CCNDBP1: variants seen among roughly 807,000 people sequenced by gnomAD.
The protein encoded by CCNDBP1 is cyclin D1 binding protein 1, also known as cyclin-D1-binding protein 1.
In CCNDBP1, 45 loss-of-function variants were observed where a neutral mutation model predicts 46.2. The ratio of observed to expected loss-of-function variants is 0.97; its 90% confidence interval spans 0.77 to 1.25. The LOEUF (loss-of-function observed/expected upper bound fraction) is 1.25. Among genes scored for constraint, CCNDBP1 ranks in the 50% most tolerant of loss-of-function variants. The pLI, the probability that CCNDBP1 is intolerant of heterozygous loss-of-function variation, is 0.00. For missense variants in CCNDBP1, 436 were observed against 442.1 expected (o/e 0.99, Z 0.12); for synonymous variants, 154 against 163.6 (o/e 0.94, Z 0.45).
intron 7 of CCNDBP1, 59 bp from the exon 8 acceptor site, chr15:43,191,336 G>T: frequency 7.0e-7 from 1 of 1,429,038 alleles, no homozygotes; most frequent in Non-Finnish European, 9.3e-7. Context: ...ATAATAATAG[G>T]CCTCGCCTTT....
chr15:43,190,998 A>G lies in CCNDBP1; in HGVS notation c.535A>G (p.Lys179Glu), dbSNP rs1567263795. ...NKAAALLMLT[K>E]NVDFVKDAHE... Reference sequence around the variant, plus strand: ...AGCTGCAGCTCTTTTGATGCTGACCAAGAATGTGGATTTTGTGAAGGATGC... The same window carrying G: ...AGCTGCAGCTCTTTTGATGCTGACCGAGAATGTGGATTTTGTGAAGGATGC... The change falls in exon 7 of 11, where the codon AAG becomes GAG. Residue 179 changes from lysine (K) to glutamate (E), a missense_variant. Coordinates refer to ENST00000300213, the MANE Select transcript of CCNDBP1 (RefSeq NM_012142.5). 1.9e-6 allele frequency: 3 copies of G among 1,614,146 alleles called. No homozygotes were observed. Among genetic ancestry groups the G allele is most frequent in the South Asian group, 1.1e-5 (1 of 91,086 alleles).
At chr15:43,191,194 A>G (rs1006051870) in intron 7 of CCNDBP1, 152 bp downstream of exon 7, 1 of 814,300 alleles carries the variant, frequency 1.2e-6, no homozygotes. Flanking sequence ...TGTTTGATTT[A>G]GTACCACTCC....
At position 43,196,739 on chromosome 15, in the gene CCNDBP1, C is replaced by T. The variant is rs1290344783; in HGVS notation, c.*1898C>T. On this transcript the variant is annotated 3_prime_UTR_variant, in exon 11 of 11. Coordinates refer to ENST00000300213, the MANE Select transcript of CCNDBP1 (RefSeq NM_012142.5). The stretch of plus-strand genomic sequence containing the variant: ...TGAGCAGTAAAATGGTTGCAAAAAA[C>T]CTGAACCTGAACAATCTGAATGTAC... The T allele has an allele frequency of 1.2e-5, 2 of 161,682 alleles. No individual in the cohort carries two copies. Among genetic ancestry groups the T allele is most frequent in the Non-Finnish European group, 2.7e-5 (2 of 73,012 alleles). The allele number at this position is 161,682 out of a possible 1,614,324, so 10.0% of individuals were successfully genotyped here.
Position 43,194,775 on chromosome 15 carries a change from T to C in CCNDBP1, c.1017T>C (p.Leu339=). ...PQPEDSWIPL[L]INAIDHCMNR... is the part of the protein sequence containing the mutation. ...CAGAAGATAGTTGGATCCCTTTACT[T>C]ATTAATGCCATTGATCATTGCATGA... is the stretch of plus-strand genomic sequence containing the variant. Residue 339 remains leucine (L), a synonymous_variant, in exon 11 of 11, where the codon CTT becomes CTC. Transcript: ENST00000300213. 6.2e-7 allele frequency: 1 copy of C among 1,614,024 alleles called. No individual in the cohort carries two copies. The highest frequency in any genetic ancestry group is 8.5e-7 in the Non-Finnish European group (1 of 1,179,850).
rs766772798 is a variant in CCNDBP1, at chr15:43,190,090, C to CTGGACATCGTGGATGGCA, written c.371_388dup (p.Asp124_Met129dup). ...GAGAAAGCTGGTACGGGGCGCCACC[C>CTGGACATCGTGGATGGCA]TGGACATCGTGGATGGCATGGCTCA... On this transcript the variant is annotated inframe_insertion, in exon 5 of 11. Coordinates refer to ENST00000300213, the MANE Select transcript of CCNDBP1 (RefSeq NM_012142.5). The CTGGACATCGTGGATGGCA allele has an allele frequency of 2.5e-6, 4 of 1,614,158 alleles. No individual in the cohort carries two copies. Among genetic ancestry groups the CTGGACATCGTGGATGGCA allele is most frequent in the Non-Finnish European group, 3.4e-6 (4 of 1,180,020 alleles).
rs202103344 is a variant in CCNDBP1 at position 43,185,838 on chromosome 15, C to G, written c.128C>G (p.Thr43Ser). ...CCACAAGTCGGCGAAGCCCAGGAGA[C>G]CACCGAGGAGTTTAATCGAGAGATG... ...PRVRVGEAQE[T>S]TEEFNREMFW... Residue 43 changes from threonine to serine, a missense_variant, in exon 2 of 11, where the codon ACC becomes AGC. By Grantham distance (58) the Thr-to-Ser change is moderately conservative. Transcript: ENST00000300213. 8 of 1,611,514 alleles carry G rather than the reference C, an allele frequency of 5.0e-6. No homozygotes were observed. The African/African-American group carries it at 1.1e-4, about 21-fold the overall frequency.
At chr15:43,187,060 C>T (rs948462263) in intron 3 of CCNDBP1, among the ~76,000 whole-genome samples, 2 of 152,138 alleles carry the variant, frequency 1.3e-5, no homozygotes, top group African/African-American at 2.4e-5. Flanking sequence ...GCTATGACCA[C>T]GTATGCTCTA....
rs137976051 is a variant in CCNDBP1, at chr15:43,196,640, C to T, written c.*1799C>T. 2.0e-5 allele frequency: 3 copies of T among 152,468 alleles called. No individual in the cohort carries two copies. In the East Asian group the frequency reaches 5.8e-4, roughly 29 times the overall value. The allele number at this position is 152,468 out of a possible 1,614,324, so 9.4% of individuals were successfully genotyped here. A position where few individuals can be genotyped will look rare whatever the true frequency, so the allele number is the denominator to read the frequency against. On this transcript the variant is annotated 3_prime_UTR_variant, in exon 11 of 11. Coordinates refer to ENST00000300213, the MANE Select transcript of CCNDBP1 (RefSeq NM_012142.5). Reference sequence around the variant, plus strand: ...AAAATTCCATTTTGGGATAATATCCCACTTCATCAGAAATATTAGAATGAT... The same window carrying T: ...AAAATTCCATTTTGGGATAATATCCTACTTCATCAGAAATATTAGAATGAT...
chr15:43,188,964 G>A, intron 3 of CCNDBP1: 1 of 317,172 alleles, frequency 3.2e-6, no homozygotes, highest in Non-Finnish European at 5.8e-6. Flanking sequence ...TGTAATCCCA[G>A]CTACTTGGGA....
chr15:43,188,678 C>G (rs1044884320), intron 3 of CCNDBP1: 3 of 152,204 alleles, frequency 2.0e-5, no homozygotes, highest in African/African-American at 7.2e-5. Flanking sequence ...ATTGAGTTGT[C>G]AGCCCAATAT....
intron 8 of CCNDBP1, 109 bp downstream of exon 8, chr15:43,191,784 C>A: frequency 7.6e-7 from 1 of 1,322,240 alleles, no homozygotes; most frequent in Non-Finnish European, 1.0e-6. Context: ...TTTTTCAAAC[C>A]TATAGGAAAG....
intron 8 of CCNDBP1, 33 bp from the exon 9 acceptor site, chr15:43,192,710 T>G: frequency 6.2e-7 from 1 of 1,608,096 alleles, no homozygotes; most frequent in Non-Finnish European, 8.5e-7. Flanking sequence ...CTGCGTTTTT[T>G]TGTTAATGAT....
chr15:43,193,455 A>G (rs2041992302), intron 9 of CCNDBP1: 1 of 151,742 alleles, frequency 6.6e-6, no homozygotes. Context: ...ACTAGGCAGC[A>G]ATTAGATTGA....
chr15:43,185,636 G>A, intron 1 of CCNDBP1, 29 bp downstream of exon 1: 2 of 1,479,994 alleles, frequency 1.4e-6, no homozygotes, highest in Non-Finnish European at 1.8e-6. Context: ...AACGGGCGAC[G>A]GCAGGGGCGG....
chr15:43,191,676 G>A lies in CCNDBP1; in HGVS notation c.860+1G>A. 3 of 1,600,018 alleles carry A rather than the reference G, an allele frequency of 1.9e-6. No individual in the cohort carries two copies. The highest frequency in any genetic ancestry group is 2.5e-6 in the Non-Finnish European group (3 of 1,178,234). Reference sequence around the variant, plus strand: ...ATATTTCTGATGAAATCAGCCCTAGGTAAGCGGGATCCCCACTTGAAACAT... The same window carrying A: ...ATATTTCTGATGAAATCAGCCCTAGATAAGCGGGATCCCCACTTGAAACAT... On this transcript the variant is annotated splice_donor_variant, in intron 8 of 10. Coordinates refer to ENST00000300213, the MANE Select transcript of CCNDBP1 (RefSeq NM_012142.5). LOFTEE classifies it high-confidence loss of function.
intron 3 of CCNDBP1, chr15:43,188,394 TC>T (rs1248262882): frequency 6.6e-6 from 1 of 152,200 alleles, no homozygotes; most frequent in African/African-American, 2.4e-5. Context: ...TCTGTCTCTC[TC>T]CCTCCCTCTC....
rs2041973908 is a variant in CCNDBP1, at chr15:43,192,723, C to T, written c.861-20C>T. ...GGCTGCGTTTTTTTGTTAATGATTA[C>T]TTTTGTTTTCTGCTCTTAGTGTGGA... On this transcript the variant is annotated intron_variant, in intron 8 of 10. Transcript: ENST00000300213. The T allele has an allele frequency of 6.2e-7, 1 of 1,613,098 alleles. No individual in the cohort carries two copies. The highest frequency in any genetic ancestry group is 1.3e-5 in the African/African-American group (1 of 75,002).
Position 43,190,099 on chromosome 15 carries a change from G to T in CCNDBP1, c.376G>T (p.Val126Leu). Reference protein sequence around the residue: ...KLVRGATLDIVDGMAQLMEVL... With the variant: ...KLVRGATLDILDGMAQLMEVL... ...GGTACGGGGCGCCACCCTGGACATC[G>T]TGGATGGCATGGCTCAGCTCATGGA... The change falls in exon 5 of 11, where the codon GTG becomes TTG. Residue 126 changes from valine to leucine, a missense_variant. Transcript: ENST00000300213. 6.2e-7 allele frequency: 1 copy of T among 1,614,166 alleles called. No individual in the cohort carries two copies. Among genetic ancestry groups the T allele is most frequent in the Non-Finnish European group, 8.5e-7 (1 of 1,180,028 alleles).
rs748207621 is a variant in CCNDBP1 at position 43,194,046 on chromosome 15, CTTTTTTTTTTTT to C, written c.922-350_922-339del. The C allele has an allele frequency of 1.8e-3, 89 of 50,304 alleles. No individual in the cohort carries two copies. The African/African-American group carries it at 0.02, about 11-fold the overall frequency. The allele number at this position is 50,304 out of a possible 1,614,324, so 3.1% of individuals were successfully genotyped here. ...TGGTGTTCTTAAAATTCTTAATGCG[CTTTTTTTTTTTT>C]TTTTTTTTTTTTTTTTTTAAAGGAA... On this transcript the variant is annotated intron_variant, in intron 9 of 10. Transcript: ENST00000300213.
Sources: allele counts gnomAD v4.1 joint callset (sites outside exome capture counted in the v4.1 genomes callset), GRCh38; gene constraint gnomAD v4.1.1; transcripts MANE v1.5; gene names NCBI Gene and HGNC (gene_info 2026-07-23, HGNC 2026-07-21).